The following AP4S1 variants were observed in gnomAD, a reference collection of about 807,000 sequenced individuals.
AP4S1 encodes AP-4 complex subunit sigma-1.
A neutral mutation model predicts 19.8 loss-of-function variants in AP4S1; 23 were observed. The ratio of observed to expected loss-of-function variants is 1.16; its 90% CI spans 0.84 to 1.65. The LOEUF (loss-of-function observed/expected upper bound fraction) is 1.65, where lower values mean the gene tolerates loss of function less well. Ranked by LOEUF, AP4S1 falls within the 40% of genes most tolerant of loss-of-function variation. The probability of loss-of-function intolerance (pLI) is 0.00; values close to 1 mark genes in which losing one functional copy is unlikely to be tolerated. For synonymous variants in AP4S1, 46 were observed against 54.1 expected (o/e 0.85, Z 0.66); for missense variants, 166 against 172.8 (o/e 0.96, Z 0.22).
chr14:31,049,756 T>G (rs1405068996), intron 1 of AP4S1, among the ~76,000 whole-genome samples: 2 of 150,306 alleles, frequency 1.3e-5, no homozygotes, highest in African/African-American at 2.5e-5. Flanking sequence ...TGGGCCACCA[T>G]ACACGGCTAA....
chr14:31,079,350 G>A (rs1274982348), intron 4 of AP4S1, among the ~76,000 whole-genome samples: 1 of 152,094 alleles, frequency 6.6e-6, no homozygotes, highest in African/African-American at 2.4e-5. Context: ...CAACAGTAGA[G>A]TGAACCCGAA....
At chr14:31,028,204 G>T (rs1279766479) in intron 1 of AP4S1, among the ~76,000 whole-genome samples, 4 of 150,886 alleles carry the variant, frequency 2.7e-5, no homozygotes, top group Non-Finnish European at 5.9e-5. Context: ...TTGAGACAGG[G>T]TCTCACTCTG....
At chr14:31,075,858 G>C (rs1887327356) in intron 4 of AP4S1, among the ~76,000 whole-genome samples, 1 of 151,452 alleles carries the variant, frequency 6.6e-6, no homozygotes, top group African/African-American at 2.4e-5. Context: ...TCCTGCCTCA[G>C]CCTCTCGAGT....
At chr14:31,051,255 C>CAAAAAAAAAAA (rs1187415787) in intron 1 of AP4S1, among the ~76,000 whole-genome samples, 1 of 113,840 alleles carries the variant, frequency 8.8e-6, no homozygotes, top group African/African-American at 3.3e-5. Flanking sequence ...AACCGTGTCT[C>CAAAAAAAAAAA]AAAAAAAAAA....
intron 5 of AP4S1, among the ~76,000 whole-genome samples, chr14:31,087,980 A>G (rs1218513228): frequency 1.3e-5 from 2 of 152,174 alleles, no homozygotes; most frequent in Non-Finnish European, 2.9e-5. Flanking sequence ...GTCCGAGGGA[A>G]CGTGTGCAGC....
intron 1 of AP4S1, among the ~76,000 whole-genome samples, chr14:31,032,769 C>T (rs1400812936): frequency 3.9e-5 from 6 of 151,988 alleles, no homozygotes; most frequent in East Asian, 1.9e-4. Context: ...CTCCTGACCT[C>T]ATGATCCGCC....
chr14:31,089,717 G>A (rs912945774), intron 5 of AP4S1, among the ~76,000 whole-genome samples: 1 of 152,166 alleles, frequency 6.6e-6, no homozygotes, highest in Non-Finnish European at 1.5e-5. Context: ...GAGTTATAGA[G>A]ACCAGCCTGG....
chr14:31,051,172 C>G (rs1253677084), intron 1 of AP4S1, among the ~76,000 whole-genome samples: 2 of 151,522 alleles, frequency 1.3e-5, no homozygotes, highest in East Asian at 3.9e-4. Flanking sequence ...AGGAAGATCC[C>G]TTGAGCCCAG....
intron 1 of AP4S1, chr14:31,027,336 C>A (rs1056532249): frequency 2.0e-5 from 3 of 152,028 alleles, no homozygotes; most frequent in Non-Finnish European, 4.4e-5. Context: ...AACTTAAAAT[C>A]CTAGATGAAT....
intron 4 of AP4S1, chr14:31,073,300 C>T (rs535862525): frequency 6.2e-4 from 167 of 270,674 alleles, no homozygotes; most frequent in South Asian, 9.0e-4. Context: ...ACCATCCTGG[C>T]TAATACGGTG....
At chr14:31,077,732 C>CT (rs1887436295) in intron 4 of AP4S1, among the ~76,000 whole-genome samples, 1 of 141,192 alleles carries the variant, frequency 7.1e-6, no homozygotes. Context: ...TGTTTTTTTT[C>CT]TTTTTTCTTT....
rs923939324 is a variant in AP4S1 at position 31,087,962 on chromosome 14, G to C, written c.307-4945G>C. Among the ~76,000 whole-genome samples, 4 of 152,176 alleles carry C rather than the reference G, an allele frequency of 2.6e-5. 1 individual carries two copies. The highest frequency in any genetic ancestry group is 2.6e-4 in the Admixed American group (4 of 15,272). ...CCTCGTTGCCAGAGAGTGAGGACTG[G>C]CCTGTGGGTCCGAGGGAACGTGTGC... On this transcript the variant is annotated intron_variant, in intron 5 of 5. Transcript: ENST00000542754.
chr14:31,089,642 T>C (rs150780772), intron 5 of AP4S1, among the ~76,000 whole-genome samples: 1,805 of 152,236 alleles, frequency 0.012, 38 homozygotes, highest in African/African-American at 0.041. Context: ...GGGCCAGGCG[T>C]GGTGGCTCAC....
At chr14:31,089,367 A>G (rs1044294836) in intron 5 of AP4S1, among the ~76,000 whole-genome samples, 1 of 152,204 alleles carries the variant, frequency 6.6e-6, no homozygotes, top group Non-Finnish European at 1.5e-5. Flanking sequence ...TTCCCACCCT[A>G]CATATTTTGT....
chr14:31,044,084 T>C (rs1345179476), intron 1 of AP4S1, among the ~76,000 whole-genome samples: 1 of 152,190 alleles, frequency 6.6e-6, no homozygotes, highest in Non-Finnish European at 1.5e-5. Context: ...CTCAATGTTT[T>C]TAAAACAAAC....
chr14:31,073,118 A>G lies in AP4S1; in HGVS notation c.294+145A>G, dbSNP rs115576602. On this transcript the variant is annotated intron_variant, in intron 4 of 5. Transcript: ENST00000542754. ...ACTTAAGTGATGCCAAATTTTCTTT[A>G]TCTTTCCTTCTGGTTTATCCAAAGT... 1.5e-3 allele frequency: 1,112 copies of G among 720,240 alleles called. 9 individuals are homozygous for G. The African/African-American group carries it at 0.017, about 11-fold the overall frequency. 44.6% of individuals were successfully genotyped at this position (720,240 alleles called of 1,614,324 possible).
chr14:31,080,243 T>C (rs984840953), intron 4 of AP4S1, among the ~76,000 whole-genome samples: 3 of 152,236 alleles, frequency 2.0e-5, no homozygotes, highest in Admixed American at 1.3e-4. Context: ...GTCAGTGGAT[T>C]CAAAGGGTGT....
intron 4 of AP4S1, among the ~76,000 whole-genome samples, chr14:31,075,207 G>A (rs1473748156): frequency 1.3e-5 from 2 of 151,706 alleles, no homozygotes; most frequent in African/African-American, 4.8e-5. Flanking sequence ...CCAGCTTTTG[G>A]TAACCACCAA....
At chr14:31,042,999 T>C (rs1885193100) in intron 1 of AP4S1, among the ~76,000 whole-genome samples, 1 of 152,062 alleles carries the variant, frequency 6.6e-6, no homozygotes, top group East Asian at 1.9e-4. Flanking sequence ...GGCGGGTGGA[T>C]CACCTGAGGC....
Sources: allele counts gnomAD v4.1 joint callset (sites outside exome capture counted in the v4.1 genomes callset), GRCh38; gene constraint gnomAD v4.1.1; transcripts MANE v1.5; gene names NCBI Gene and HGNC (gene_info 2026-07-23, HGNC 2026-07-21).